DAB1: variants seen among roughly 807,000 people sequenced by gnomAD.
DAB1 encodes the protein disabled homolog 1.
In DAB1, 15 loss-of-function variants were observed where a neutral mutation model predicts 64.6. That is an observed-to-expected ratio of 0.23 (90% CI 0.16 to 0.36). The LOEUF is 0.36. DAB1 is among the 10% of genes least tolerant of loss of function. The pLI, the probability that DAB1 is intolerant of heterozygous loss-of-function variation, is 1.00. For missense variants in DAB1, 596 were observed against 706.7 expected (o/e 0.84, Z 1.78); for synonymous variants, 235 against 251.9 (o/e 0.93, Z 0.64).
intron 5 of DAB1, among the ~76,000 whole-genome samples, chr1:58,103,434 C>T (rs1010847619): frequency 9.9e-5 from 15 of 151,990 alleles, no homozygotes; most frequent in African/African-American, 3.6e-4. Context: ...GCTACCCATA[C>T]CCATATTAAT....
At chr1:57,258,478 AC>A (rs1041015882) in intron 2 of DAB1, among the ~76,000 whole-genome samples, 6 of 152,054 alleles carry the variant, frequency 3.9e-5, no homozygotes, top group African/African-American at 1.4e-4. Flanking sequence ...CTGGAGAGTC[AC>A]CAGGGCCACT....
intron 4 of DAB1, among the ~76,000 whole-genome samples, chr1:58,204,869 C>T (rs752943518): frequency 4.0e-4 from 61 of 152,198 alleles, no homozygotes; most frequent in Non-Finnish European, 8.4e-4. Flanking sequence ...TAAGCCGTCA[C>T]GATGTGATTC....
At chr1:58,228,583 C>T in intron 4 of DAB1, 1 of 485,412 alleles carries the variant, frequency 2.1e-6, no homozygotes. Flanking sequence ...TCTAGGAAGC[C>T]CTGCATCTAG....
rs535991168 is a variant in DAB1 at position 56,997,907 on chromosome 1, T to G, written c.*237A>C. The stretch of plus-strand genomic sequence containing the variant: ...GGTGGATCTTTCTATACTTTTTTTG[T>G]GTGCTGCCATAGATATCTGCCATTG... On this transcript the variant is annotated 3_prime_UTR_variant, in exon 15 of 15. Transcript: ENST00000371236. 6.6e-6 allele frequency: 1 copy of G among 152,472 alleles called. No homozygotes were observed. Among genetic ancestry groups the G allele is most frequent in the Non-Finnish European group, 1.5e-5 (1 of 68,032 alleles). The allele number at this position is 152,472 out of a possible 1,614,324, so 9.4% of individuals were successfully genotyped here.
intron 6 of DAB1, among the ~76,000 whole-genome samples, chr1:57,674,407 C>G (rs1225900303): frequency 6.6e-6 from 1 of 152,158 alleles, no homozygotes. Context: ...TTTTTCCCCA[C>G]CATGAGCTTC....
intron 5 of DAB1, among the ~76,000 whole-genome samples, chr1:58,092,287 C>T (rs558164402): frequency 3.3e-5 from 5 of 150,918 alleles, no homozygotes; most frequent in South Asian, 4.2e-4. Context: ...GAGTCAAGAT[C>T]GCACCACTGT....
At chr1:57,097,115 C>A (rs190753803) in intron 4 of DAB1, among the ~76,000 whole-genome samples, 42 of 152,158 alleles carry the variant, frequency 2.8e-4, no homozygotes, top group Non-Finnish European at 4.6e-4. Context: ...AATATATAGG[C>A]AGATAAATGC....
At chr1:57,231,924 C>T (rs1667707043) in intron 2 of DAB1, among the ~76,000 whole-genome samples, 1 of 152,082 alleles carries the variant, frequency 6.6e-6, no homozygotes, top group Non-Finnish European at 1.5e-5. Context: ...ATTTCTAGCC[C>T]GCTATCTTTT....
intron 7 of DAB1, among the ~76,000 whole-genome samples, chr1:57,582,316 C>T (rs1338683498): frequency 5.9e-5 from 9 of 152,142 alleles, no homozygotes; most frequent in African/African-American, 2.4e-5. Flanking sequence ...AGAGAAAAAT[C>T]AGAAGGAAGC....
chr1:57,703,916 C>T (rs2101734405), intron 6 of DAB1, among the ~76,000 whole-genome samples: 1 of 152,258 alleles, frequency 6.6e-6, no homozygotes, highest in Non-Finnish European at 1.5e-5. Flanking sequence ...GGCCCTTATC[C>T]TTAGCAAACT....
intron 6 of DAB1, among the ~76,000 whole-genome samples, chr1:57,754,187 T>C (rs1648685186): frequency 6.6e-6 from 1 of 152,168 alleles, no homozygotes; most frequent in South Asian, 2.1e-4. Context: ...CAGTTTGCCA[T>C]GATATTCCCT....
chr1:57,651,126 G>A (rs1646250929), intron 6 of DAB1, among the ~76,000 whole-genome samples: 1 of 151,914 alleles, frequency 6.6e-6, no homozygotes, highest in African/African-American at 2.4e-5. Flanking sequence ...AAAGCAGGGA[G>A]GCAGCAATTT....
chr1:57,215,217 T>C (rs1454262670), intron 2 of DAB1, among the ~76,000 whole-genome samples: 1 of 152,022 alleles, frequency 6.6e-6, no homozygotes, highest in Admixed American at 6.6e-5. Context: ...TGCATAATAT[T>C]AGTTTGATGT....
At chr1:57,999,651 A>G (rs1646477086) in intron 5 of DAB1, among the ~76,000 whole-genome samples, 1 of 152,094 alleles carries the variant, frequency 6.6e-6, no homozygotes, top group Non-Finnish European at 1.5e-5. Context: ...CCAGTGAGTA[A>G]AGGCCAGAGA....
At chr1:58,248,643 T>C (rs1028978585) in intron 4 of DAB1, among the ~76,000 whole-genome samples, 2 of 152,182 alleles carry the variant, frequency 1.3e-5, no homozygotes, top group Non-Finnish European at 2.9e-5. Context: ...CGTGCAGGTA[T>C]GAAATCCACT....
chr1:58,399,507 G>GT (rs1158369867), intron 3 of DAB1, among the ~76,000 whole-genome samples: 1 of 152,188 alleles, frequency 6.6e-6, no homozygotes, highest in Non-Finnish European at 1.5e-5. Context: ...ACCAAGACGT[G>GT]TTTACAATTC....
In DAB1 at chr1:57,695,405, AAAGAAAGAAAGAAAG is replaced by A. The variant is rs1557428001; in HGVS notation, n.552-45755_552-45741del. Among the ~76,000 whole-genome samples, 259 of 142,356 alleles carry A rather than the reference AAAGAAAGAAAGAAAG, an allele frequency of 1.8e-3. 11 individuals carry two copies. The highest frequency in any genetic ancestry group is 6.8e-3 in the African/African-American group (248 of 36,232). The allele number at this position is 142,356 out of a possible 152,430, so 93.4% of individuals were successfully genotyped here. On this transcript the variant is annotated intron_variant and non_coding_transcript_variant, in intron 6 of 20. Transcript: ENST00000485760. ...GAAAGAAAGAAAGAAAGAAAGAAAGAAAGAAAGAAAGAAAGAAAGAAAGAAAGAAAAAAGAAGAAA... is the reference window on the plus strand; with the variant it reads ...GAAAGAAAGAAAGAAAGAAAGAAAGAAAAGAAAGAAAGAAAAAAGAAGAAA...
intron 1 of DAB1, chr1:57,878,626 G>C (rs1218531883): frequency 6.6e-6 from 1 of 152,070 alleles, no homozygotes; most frequent in Admixed American, 6.6e-5. Flanking sequence ...ATGTGTAATG[G>C]TCAACTTAGG....
At chr1:58,415,632 A>C (rs1014003067) in intron 3 of DAB1, 3 of 152,456 alleles carry the variant, frequency 2.0e-5, no homozygotes, top group Non-Finnish European at 4.4e-5. Context: ...AACTATATTT[A>C]CATAGCATGG....
Sources: allele counts gnomAD v4.1 joint callset (sites outside exome capture counted in the v4.1 genomes callset), GRCh38; gene constraint gnomAD v4.1.1; transcripts MANE v1.5; gene names NCBI Gene and HGNC (gene_info 2026-07-23, HGNC 2026-07-21).